The following ITGA9 variants were observed in gnomAD, a reference collection of about 807,000 sequenced individuals.
ITGA9 encodes the protein integrin alpha-9.
Under a neutral mutation model 127.8 loss-of-function variants are expected in ITGA9, and 56 were observed. The observed-to-expected ratio is 0.44, with a 90% CI of 0.35 to 0.55. ITGA9 has a LOEUF of 0.55. Ranked by LOEUF, ITGA9 falls within the 20% of genes least tolerant of loss-of-function variation. The probability of loss-of-function intolerance (pLI) is 0.00; values close to 1 mark genes in which losing one functional copy is unlikely to be tolerated. For missense variants in ITGA9, 1,196 were observed against 1,347.1 expected (o/e 0.89, Z 1.76); for synonymous variants, 508 against 514.5 (o/e 0.99, Z 0.17).
At chr3:37,489,253 A>G (rs11709687) in intron 4 of ITGA9, among the ~76,000 whole-genome samples, 19,148 of 152,204 alleles carry the variant, frequency 0.13, 1,260 homozygotes, top group Middle Eastern at 0.18. Flanking sequence ...TTTTCTTTGG[A>G]TGATAAGAAT....
chr3:37,647,863 A>ATATG (rs758580700), intron 16 of ITGA9, among the ~76,000 whole-genome samples: 3 of 151,904 alleles, frequency 2.0e-5, no homozygotes, highest in Admixed American at 1.3e-4. Flanking sequence ...GTATATATAT[A>ATATG]TGTGTGTGTG....
chr3:37,527,061 C>T (rs1490336149), intron 13 of ITGA9, among the ~76,000 whole-genome samples: 1 of 152,202 alleles, frequency 6.6e-6, no homozygotes, highest in African/African-American at 2.4e-5. Context: ...CTGACTCTGC[C>T]CTTACTAGGT....
intron 14 of ITGA9, among the ~76,000 whole-genome samples, chr3:37,537,057 A>G (rs1190354415): frequency 1.3e-5 from 2 of 152,202 alleles, no homozygotes; most frequent in Non-Finnish European, 2.9e-5. Flanking sequence ...TCAATTTGAG[A>G]ACCACTGTTC....
chr3:37,552,764 C>T (rs1252983588), intron 15 of ITGA9, among the ~76,000 whole-genome samples: 4 of 152,148 alleles, frequency 2.6e-5, no homozygotes, highest in African/African-American at 9.7e-5. Flanking sequence ...CCTGTAATCC[C>T]AGCACTTTGG....
intron 12 of ITGA9, among the ~76,000 whole-genome samples, chr3:37,524,071 G>A (rs754789016): frequency 3.3e-5 from 5 of 152,130 alleles, no homozygotes; most frequent in East Asian, 1.9e-4. Flanking sequence ...GTCCTCTTGC[G>A]TGTGGACAAA....
At chr3:37,737,190 T>C (rs376303176) in intron 20 of ITGA9, among the ~76,000 whole-genome samples, 2 of 152,290 alleles carry the variant, frequency 1.3e-5, no homozygotes, top group South Asian at 4.1e-4. Context: ...CCACTGCAGA[T>C]TGAACTGAGA....
intron 15 of ITGA9, among the ~76,000 whole-genome samples, chr3:37,612,945 G>T (rs1700037309): frequency 6.6e-6 from 1 of 151,226 alleles, no homozygotes; most frequent in Non-Finnish European, 1.5e-5. Flanking sequence ...TATTTGTGGA[G>T]ACCTTGTGCT....
chr3:37,738,139 A>G (rs1427609244), intron 20 of ITGA9, among the ~76,000 whole-genome samples: 1 of 152,198 alleles, frequency 6.6e-6, no homozygotes, highest in Non-Finnish European at 1.5e-5. Flanking sequence ...GTTATTTTCT[A>G]TTGACACTAT....
chr3:37,508,284 A>G (rs1360995006), intron 7 of ITGA9, among the ~76,000 whole-genome samples: 2 of 152,192 alleles, frequency 1.3e-5, no homozygotes, highest in African/African-American at 4.8e-5. Context: ...GTTTACTTGT[A>G]ATTTGGAAGC....
chr3:37,468,519 C>T (rs570110009), intron 1 of ITGA9, among the ~76,000 whole-genome samples: 6 of 152,286 alleles, frequency 3.9e-5, no homozygotes, highest in African/African-American at 1.2e-4. Context: ...TTGAGGGCCT[C>T]AGACTTCTGT....
chr3:37,497,012 TTTG>T (rs1183241798), intron 5 of ITGA9, among the ~76,000 whole-genome samples: 5 of 152,234 alleles, frequency 3.3e-5, no homozygotes, highest in African/African-American at 1.2e-4. Flanking sequence ...ACTTTAAATT[TTTG>T]TTATGAAAAA....
intron 3 of ITGA9, among the ~76,000 whole-genome samples, chr3:37,473,724 TTG>T (rs74279281): frequency 2.6e-5 from 4 of 152,054 alleles, no homozygotes; most frequent in African/African-American, 9.7e-5. Context: ...ACATAGGTAT[TTG>T]TGTGTGTGTG....
At chr3:37,469,455 T>C (rs965367626) in intron 1 of ITGA9, among the ~76,000 whole-genome samples, 3 of 152,236 alleles carry the variant, frequency 2.0e-5, no homozygotes, top group African/African-American at 7.2e-5. Flanking sequence ...TTTCTATTTG[T>C]TACTGAAATG....
intron 21 of ITGA9, 144 bp downstream of exon 21, chr3:37,741,963 G>A: frequency 1.4e-6 from 1 of 719,896 alleles, no homozygotes; most frequent in Non-Finnish European, 2.5e-6. Flanking sequence ...GCAGGATGAA[G>A]CTTTAGCTGC....
intron 26 of ITGA9, among the ~76,000 whole-genome samples, chr3:37,793,389 A>AAC (rs10575371): frequency 0.081 from 10,949 of 134,378 alleles, 558 homozygotes; most frequent in Non-Finnish European, 0.11. Flanking sequence ...CAAACAGGTC[A>AAC]ACACACACAC....
chr3:37,716,388 T>G (rs1231600071), intron 18 of ITGA9, among the ~76,000 whole-genome samples: 2 of 151,800 alleles, frequency 1.3e-5, no homozygotes, highest in Non-Finnish European at 2.9e-5. Flanking sequence ...GCAAGGCACC[T>G]GAAAAAATTT....
chr3:37,628,600 C>T (rs1248120697), intron 15 of ITGA9, among the ~76,000 whole-genome samples: 20 of 152,146 alleles, frequency 1.3e-4, no homozygotes, highest in Admixed American at 1.2e-3. Flanking sequence ...TGTTTGCTCT[C>T]CTCCCTTCCT....
chr3:37,540,225 G>A (rs1699251759), intron 14 of ITGA9, among the ~76,000 whole-genome samples: 1 of 152,184 alleles, frequency 6.6e-6, no homozygotes, highest in South Asian at 2.1e-4. Flanking sequence ...CACCTGGGAA[G>A]GAGGCTGGTC....
At chr3:37,545,030 C>G (rs1699311867) in intron 15 of ITGA9, among the ~76,000 whole-genome samples, 1 of 152,220 alleles carries the variant, frequency 6.6e-6, no homozygotes, top group Non-Finnish European at 1.5e-5. Flanking sequence ...ACCGCCCCGG[C>G]TTACTGGCTG....
Sources: gnomAD v4.1 joint callset for allele counts (sites outside exome capture counted in the v4.1 genomes callset) on GRCh38, gnomAD v4.1.1 for gene constraint, MANE v1.5 for transcripts, NCBI Gene and HGNC (gene_info 2026-07-23, HGNC 2026-07-21) for gene names.